SFMBT1: variants seen among roughly 807,000 people sequenced by gnomAD.
SFMBT1 encodes the protein Scm like with four mbt domains 1, also known as scm-like with four MBT domains protein 1.
SFMBT1 carries 32 observed loss-of-function variants against 108.7 expected under a neutral mutation model. The observed-to-expected ratio is 0.29, with a 90% CI of 0.22 to 0.40. SFMBT1 has a LOEUF of 0.40. SFMBT1 is among the 10% of genes least tolerant of loss of function. The pLI, the probability that SFMBT1 is intolerant of heterozygous loss-of-function variation, is 1.00. For missense variants in SFMBT1, 816 were observed against 1,059.6 expected (o/e 0.77, Z 3.19); for synonymous variants, 348 against 369.5 (o/e 0.94, Z 0.67).
chr3:52,947,102 TA>T (rs1310028178), intron 3 of SFMBT1, among the ~76,000 whole-genome samples: 1 of 150,756 alleles, frequency 6.6e-6, no homozygotes, highest in Non-Finnish European at 1.5e-5. Flanking sequence ...AACATTTTTC[TA>T]TTTTCAGTCT....
chr3:52,947,409 G>A (rs1026574202), intron 3 of SFMBT1, among the ~76,000 whole-genome samples: 5 of 152,030 alleles, frequency 3.3e-5, no homozygotes, highest in Non-Finnish European at 7.4e-5. Flanking sequence ...GAGCCACCGC[G>A]CCCAGCCCCT....
chr3:52,982,965 T>C (rs1704768816), intron 1 of SFMBT1, among the ~76,000 whole-genome samples: 1 of 152,174 alleles, frequency 6.6e-6, no homozygotes, highest in Admixed American at 6.5e-5. Context: ...CCCTCTATGA[T>C]ATGGCACTGA....
chr3:53,008,146 G>C (rs1368592409), intron 1 of SFMBT1, among the ~76,000 whole-genome samples: 2 of 151,834 alleles, frequency 1.3e-5, no homozygotes, highest in South Asian at 2.1e-4. Flanking sequence ...AATGGGGAAT[G>C]GGGGGGTGTG....
chr3:52,983,638 T>C (rs1351434892), intron 1 of SFMBT1, among the ~76,000 whole-genome samples: 1 of 151,780 alleles, frequency 6.6e-6, no homozygotes, highest in Non-Finnish European at 1.5e-5. Context: ...CAGAGGGAAA[T>C]GAGGAAGTGA....
At chr3:52,958,357 G>A (rs1388436013) in intron 2 of SFMBT1, among the ~76,000 whole-genome samples, 2 of 152,196 alleles carry the variant, frequency 1.3e-5, no homozygotes, top group Admixed American at 6.5e-5. Context: ...TTGGGAGGCC[G>A]CGGCAGGCGG....
At chr3:52,953,744 T>C (rs1406165832) in intron 3 of SFMBT1, among the ~76,000 whole-genome samples, 2 of 152,190 alleles carry the variant, frequency 1.3e-5, no homozygotes, top group African/African-American at 4.8e-5. Context: ...CAAGGTTTTT[T>C]GACAAAAGTA....
rs140915007 is a variant in SFMBT1, at chr3:52,935,341, T to C, written c.365-440A>G. Among the ~76,000 whole-genome samples the C allele has an allele frequency of 2.3e-3, 346 of 152,370 alleles. 1 individual carries two copies. Among genetic ancestry groups the C allele is most frequent in the African/African-American group, 7.3e-3 (305 of 41,598 alleles). On this transcript the variant is annotated intron_variant, in intron 4 of 20. Transcript: ENST00000394752. ...CTTAATCCAGCCTGCTGTCTGTTTT[T>C]GTTAATAAAGTTTTACTGGAACATG... is the stretch of plus-strand genomic sequence containing the variant.
chr3:53,008,971 T>G (rs143183088), intron 1 of SFMBT1, among the ~76,000 whole-genome samples: 41 of 150,564 alleles, frequency 2.7e-4, no homozygotes, highest in Admixed American at 4.6e-4. Flanking sequence ...CTTGATATCC[T>G]ACTCTGTAAA....
chr3:52,908,585 AT>A (rs956572991), intron 17 of SFMBT1, among the ~76,000 whole-genome samples: 86 of 151,496 alleles, frequency 5.7e-4, no homozygotes, highest in Middle Eastern at 6.9e-3. Flanking sequence ...CCATTGTTCT[AT>A]TTTTTTGAGA....
At chr3:52,980,047 G>A (rs867361064) in intron 1 of SFMBT1, among the ~76,000 whole-genome samples, 15 of 152,044 alleles carry the variant, frequency 9.9e-5, no homozygotes, top group Middle Eastern at 3.4e-3. Context: ...TTAAGAAAAA[G>A]GTGTGTTGTG....
At chr3:52,942,059 T>C (rs2710345) in intron 4 of SFMBT1, among the ~76,000 whole-genome samples, 111,715 of 151,938 alleles carry the variant, frequency 0.74, 41,308 homozygotes, top group South Asian at 0.88. Flanking sequence ...TGGAGACCAG[T>C]CTGGGTGATA....
At chr3:52,949,457 C>A (rs1703492352) in intron 3 of SFMBT1, among the ~76,000 whole-genome samples, 1 of 151,432 alleles carries the variant, frequency 6.6e-6, no homozygotes, top group Admixed American at 6.6e-5. Context: ...CCATGCAGTT[C>A]TACCAGGTTT....
Position 52,933,157 on chromosome 3 carries a change from T to C in SFMBT1, c.454-849A>G, listed in dbSNP as rs144804062. Among the ~76,000 whole-genome samples, 583 of 152,348 alleles carry C rather than the reference T, an allele frequency of 3.8e-3. 3 individuals carry two copies. Among genetic ancestry groups the C allele is most frequent in the African/African-American group, 0.013 (531 of 41,588 alleles). Reference sequence around the variant, plus strand: ...ATACTGTTTCTTAATTTGTTCTTCATTTAGTACATCATAGGTATCTTTCTA... The same window carrying C: ...ATACTGTTTCTTAATTTGTTCTTCACTTAGTACATCATAGGTATCTTTCTA... On this transcript the variant is annotated intron_variant, in intron 5 of 20. Transcript: ENST00000394752.
chr3:52,929,769 T>G (rs1288369213), intron 8 of SFMBT1, among the ~76,000 whole-genome samples: 1 of 152,260 alleles, frequency 6.6e-6, no homozygotes, highest in Non-Finnish European at 1.5e-5. Context: ...AATGTCCTTC[T>G]GCTCTAGTTG....
chr3:52,915,562 G>C (rs981471293), intron 14 of SFMBT1, among the ~76,000 whole-genome samples: 1 of 152,170 alleles, frequency 6.6e-6, no homozygotes, highest in African/African-American at 2.4e-5. Context: ...TGCGCAATCT[G>C]TGCTAGAATA....
At chr3:53,012,908 T>C (rs1347810361) in intron 1 of SFMBT1, among the ~76,000 whole-genome samples, 3 of 151,676 alleles carry the variant, frequency 2.0e-5, no homozygotes, top group Non-Finnish European at 4.4e-5. Context: ...CATACACTGA[T>C]TGGAGCATAT....
chr3:52,906,934 C>G, intron 19 of SFMBT1, 135 bp downstream of exon 19: 1 of 1,171,534 alleles, frequency 8.5e-7, no homozygotes, highest in Non-Finnish European at 1.2e-6. Flanking sequence ...TTTGGGGTCA[C>G]TTTACAAGAG....
rs1702424772 is a variant in SFMBT1, at chr3:52,918,522, A to G, written c.1377T>C (p.Tyr459=). The change falls in exon 13 of 21, where the codon TAT becomes TAC. Residue 459 remains tyrosine, a synonymous_variant. Coordinates refer to ENST00000394752, the MANE Select transcript of SFMBT1 (RefSeq NM_016329.4). The stretch of plus-strand genomic sequence containing the variant: ...GAACCACTGCAATTTTCCTCTGTTT[A>G]TATACTGTAGAAAGAAAAAAATATA... ...PLSTPRRARV[Y]KQRKIAVVQP... is the part of the protein sequence containing the mutation. 2 of 1,551,096 alleles carry G rather than the reference A, an allele frequency of 1.3e-6. No individual in the cohort carries two copies. Among genetic ancestry groups the G allele is most frequent in the African/African-American group, 1.4e-5 (1 of 71,540 alleles).
chr3:52,997,893 A>G (rs1374752573), intron 1 of SFMBT1, among the ~76,000 whole-genome samples: 1 of 150,770 alleles, frequency 6.6e-6, no homozygotes, highest in Non-Finnish European at 1.5e-5. Flanking sequence ...GTTTAAAAAA[A>G]GAGAGAAGAT....
Sources: allele counts gnomAD v4.1 joint callset (sites outside exome capture counted in the v4.1 genomes callset), GRCh38; gene constraint gnomAD v4.1.1; transcripts MANE v1.5; gene names NCBI Gene and HGNC (gene_info 2026-07-23, HGNC 2026-07-21).